The following C1orf226 variants were observed in gnomAD, a reference collection of about 807,000 sequenced individuals.
C1orf226 encodes uncharacterized protein C1orf226.
Under a neutral mutation model 10.5 loss-of-function variants are expected in C1orf226, and 4 were observed. The ratio of observed to expected loss-of-function variants is 0.38; its 90% CI spans 0.19 to 0.87. The LOEUF (loss-of-function observed/expected upper bound fraction) is 0.87. Ranked by LOEUF, C1orf226 falls within the 40% of genes least tolerant of loss-of-function variation. C1orf226 has a pLI of 0.41. For synonymous variants in C1orf226, 125 were observed against 139.3 expected, an observed-to-expected ratio of 0.90 and a Z score of 0.72; for missense variants, 313 against 336.2, an observed-to-expected ratio of 0.93 and a Z score of 0.54.
rs1356405322 is a variant in C1orf226 at position 162,384,085 on chromosome 1, T to G, written c.*402T>G. 2.1e-5 allele frequency: 4 copies of G among 191,676 alleles called. No individual in the cohort carries two copies. Among genetic ancestry groups the G allele is most frequent in the Non-Finnish European group, 4.3e-5 (4 of 93,592 alleles). 11.9% of individuals were successfully genotyped at this position (191,676 alleles called of 1,614,324 possible). ...CCTACATGCGCCTCCTCCCCTGCTGTTCTCCCTCCCACACCCCTGTCCCTT... is the reference window on the plus strand; with the variant it reads ...CCTACATGCGCCTCCTCCCCTGCTGGTCTCCCTCCCACACCCCTGTCCCTT... On this transcript the variant is annotated 3_prime_UTR_variant, in exon 2 of 2. Coordinates refer to ENST00000458626, the MANE Select transcript of C1orf226 (RefSeq NM_001085375.2).
upstream of C1orf226, chr1:162,381,585 C>T (rs775108922): frequency 1.7e-5 from 11 of 635,468 alleles, no homozygotes; most frequent in African/African-American, 5.9e-5. Context: ...GGCGTGGTGA[C>T]TCCAAGGTAA....
chr1:162,386,681 A>T lies in C1orf226; in HGVS notation c.*2998A>T, dbSNP rs1216905439. 1 of 152,198 alleles carries T rather than the reference A, an allele frequency of 6.6e-6. No individual in the cohort carries two copies. Among genetic ancestry groups the T allele is most frequent in the Non-Finnish European group, 1.5e-5 (1 of 68,044 alleles). The allele number at this position is 152,198 out of a possible 1,614,324, so 9.4% of individuals were successfully genotyped here. A position where few individuals can be genotyped will look rare whatever the true frequency, so the allele number is the denominator to read the frequency against. ...GCAATCCATCAGCGTTTAAAGAAGA[A>T]GATTGGCTCCAGTTCGGAGGAGGAG... is the stretch of plus-strand genomic sequence containing the variant. On this transcript the variant is annotated 3_prime_UTR_variant, in exon 2 of 2. Coordinates refer to ENST00000458626, the MANE Select transcript of C1orf226 (RefSeq NM_001085375.2).
At position 162,386,290 on chromosome 1, in the gene C1orf226, C is replaced by T. The variant is rs1648105780; in HGVS notation, c.*2607C>T. ...CAAAGCCTCACCTGGTTTCCATGTC[C>T]ATCTCAACAGTCTGGCCTTCCTGTG... On this transcript the variant is annotated 3_prime_UTR_variant, in exon 2 of 2. Transcript: ENST00000458626. 6.6e-6 allele frequency: 1 copy of T among 152,374 alleles called. No individual in the cohort carries two copies. 9.4% of individuals were successfully genotyped at this position (152,374 alleles called of 1,614,324 possible).
rs374369490 is a variant in C1orf226, at chr1:162,383,627, C to A, written c.763C>A (p.Arg255=). The change falls in exon 2 of 2, where the codon CGG becomes AGG. Residue 255 remains arginine, a synonymous_variant. Transcript: ENST00000458626. ...WEDGSPPPQA[R]TSSLDNEGPH... is the part of the protein sequence containing the mutation. ...GGATGGCAGCCCCCCTCCTCAGGCA[C>A]GGACCTCCAGCCTCGACAATGAGGG... 6.2e-7 allele frequency: 1 copy of A among 1,609,058 alleles called. No homozygotes were observed. Among genetic ancestry groups the A allele is most frequent in the African/African-American group, 1.3e-5 (1 of 74,864 alleles).
rs956449567 is a variant in C1orf226, at chr1:162,383,271, A to G, written c.407A>G (p.Asp136Gly). ...CCTCGGGCCCTGAAGACCACCCAGG[A>G]CATGCTGATTTCATCACAGCCTGTC... ...RTPRALKTTQ[D>G]MLISSQPVLS... Residue 136 changes from aspartate (D) to glycine (G), a missense_variant, in exon 2 of 2, where the codon GAC (aspartate) becomes GGC (glycine). Asp to Gly is a moderately conservative substitution (Grantham distance 94, BLOSUM62 -1). Transcript: ENST00000458626. 32 of 1,613,798 alleles carry G rather than the reference A, an allele frequency of 2.0e-5. No individual in the cohort carries two copies. Among genetic ancestry groups the G allele is most frequent in the Non-Finnish European group, 2.5e-5 (29 of 1,179,852 alleles).
intron 1 of C1orf226, 61 bp downstream of exon 1, chr1:162,382,279 G>A: frequency 1.3e-6 from 2 of 1,520,670 alleles, no homozygotes; most frequent in Non-Finnish European, 1.8e-6. Context: ...AAAGGTACAG[G>A]GACAAACTGC....
upstream of C1orf226, among the ~76,000 whole-genome samples, chr1:162,379,999 G>A (rs557444415): frequency 4.3e-4 from 65 of 152,334 alleles, no homozygotes; most frequent in South Asian, 0.013. Flanking sequence ...TAGTTAAATG[G>A]TTTGGTTTCC....
rs1220872794 is a variant in C1orf226 at position 162,384,698 on chromosome 1, G to C, written c.*1015G>C. 1 of 152,814 alleles carries C rather than the reference G, an allele frequency of 6.5e-6. No homozygotes were observed. Among genetic ancestry groups the C allele is most frequent in the Non-Finnish European group, 1.5e-5 (1 of 68,226 alleles). The allele number at this position is 152,814 out of a possible 1,614,324, so 9.5% of individuals were successfully genotyped here. A position where few individuals can be genotyped will look rare whatever the true frequency, so the allele number is the denominator to read the frequency against. On this transcript the variant is annotated 3_prime_UTR_variant, in exon 2 of 2. Transcript: ENST00000458626. ...GCAGCCTAAAATAATGCCGTTTCAGGGCCTGGGCCTGCTGTGAGAGCCAGA... is the reference window on the plus strand; with the variant it reads ...GCAGCCTAAAATAATGCCGTTTCAGCGCCTGGGCCTGCTGTGAGAGCCAGA...
At chr1:162,379,051 T>C (rs1181410326), upstream of C1orf226, 2 of 1,484,966 alleles carry the variant, frequency 1.3e-6, no homozygotes, top group Admixed American at 3.9e-5. Flanking sequence ...CCTGTTTTTT[T>C]GTGGATGACT....
chr1:162,381,604 A>C, upstream of C1orf226: 3 of 894,418 alleles, frequency 3.4e-6, no homozygotes, highest in Non-Finnish European at 4.5e-6. Flanking sequence ...AAAGGGGCCA[A>C]GCCCATGAGT....
chr1:162,382,172 G>T lies in C1orf226; in HGVS notation c.271G>T (p.Ala91Ser). The T allele has an allele frequency of 6.3e-7, 1 of 1,588,966 alleles. No homozygotes were observed. The highest frequency in any genetic ancestry group is 8.6e-7 in the Non-Finnish European group (1 of 1,167,768). ...CAACAAGACTGCAGGAGCACAGCTG[G>T]CCAGTGGGACTGACGCGGCTCCAGA... ...EINKTAGAQL[A>S]SGTDAAPEAW... The change falls in exon 1 of 2, where the codon GCC (alanine) becomes TCC (serine). Residue 91 changes from alanine (A) to serine (S), a missense_variant. Ala to Ser is a moderately conservative substitution (Grantham distance 99). Coordinates refer to ENST00000458626, the MANE Select transcript of C1orf226 (RefSeq NM_001085375.2).
In C1orf226 at chr1:162,386,032, G is replaced by A. The variant is rs566338243; in HGVS notation, c.*2349G>A. On this transcript the variant is annotated 3_prime_UTR_variant, in exon 2 of 2. Transcript: ENST00000458626. ...TGACCCCAGAGTTCTTCAGACCTGT[G>A]TCTGATACTGAATACAGTGCCATGG... is the stretch of plus-strand genomic sequence containing the variant. 6.6e-6 allele frequency: 1 copy of A among 152,532 alleles called. No individual in the cohort carries two copies. Among genetic ancestry groups the A allele is most frequent in the African/African-American group, 2.4e-5 (1 of 41,572 alleles). The allele number at this position is 152,532 out of a possible 1,614,324, so 9.4% of individuals were successfully genotyped here.
rs1162160970 is a variant in C1orf226 at position 162,382,072 on chromosome 1, C to T, written c.171C>T (p.Ala57=). The T allele has an allele frequency of 1.2e-6, 2 of 1,603,808 alleles. No homozygotes were observed. The highest frequency in any genetic ancestry group is 1.7e-5 in the Admixed American group (1 of 58,110). ...SSQHLKNLGK[A]MGAKVNDFLR... The stretch of plus-strand genomic sequence containing the variant: ...AGCACCTCAAGAACCTGGGCAAAGC[C>T]ATGGGGGCCAAAGTGAATGACTTCC... The change falls in exon 1 of 2, where the codon GCC becomes GCT. Residue 57 remains alanine, a synonymous_variant. Coordinates refer to ENST00000458626, the MANE Select transcript of C1orf226 (RefSeq NM_001085375.2).
Position 162,383,339 on chromosome 1 carries a change from G to A in C1orf226, c.475G>A (p.Ala159Thr). 4 of 1,609,070 alleles carry A rather than the reference G, an allele frequency of 2.5e-6. No homozygotes were observed. Among genetic ancestry groups the A allele is most frequent in the Non-Finnish European group, 3.4e-6 (4 of 1,177,480 alleles). ...EYGTEPSPGQ[A>T]QDSAPTAQPD... ...TGGGACAGAGCCATCACCTGGGCAG[G>A]CCCAGGACTCCGCTCCCACTGCCCA... Residue 159 changes from alanine (A) to threonine (T), a missense_variant, in exon 2 of 2, where the codon GCC (alanine) becomes ACC (threonine). Physicochemically the swap from Ala to Thr is moderately conservative, Grantham distance 58. Coordinates refer to ENST00000458626, the MANE Select transcript of C1orf226 (RefSeq NM_001085375.2).
rs1285887017 is a variant in C1orf226 at position 162,383,714 on chromosome 1, C to T, written c.*31C>T. 6.5e-7 allele frequency: 1 copy of T among 1,545,972 alleles called. No individual in the cohort carries two copies. Among genetic ancestry groups the T allele is most frequent in the African/African-American group, 1.4e-5 (1 of 73,572 alleles). On this transcript the variant is annotated 3_prime_UTR_variant, in exon 2 of 2. Transcript: ENST00000458626. The stretch of plus-strand genomic sequence containing the variant: ...CTGCTCTTTCCTGCTGAGCTCTGCC[C>T]TTGTCTTCCTGCTGCTTTCTCCTCC...
chr1:162,383,518 C>T lies in C1orf226; in HGVS notation c.654C>T (p.Cys218=). 1.9e-6 allele frequency: 3 copies of T among 1,605,220 alleles called. No individual in the cohort carries two copies. Among genetic ancestry groups the T allele is most frequent in the Non-Finnish European group, 2.6e-6 (3 of 1,175,446 alleles). The part of the protein sequence containing the change: ...QDESKLKMTE[C]RRASSPSLIE... ...AATCCAAGCTAAAGATGACTGAGTG[C>T]AGAAGGGCCTCCTCCCCCAGCCTTA... The change falls in exon 2 of 2, where the codon TGC becomes TGT. Residue 218 remains cysteine (C), a synonymous_variant. Coordinates refer to ENST00000458626, the MANE Select transcript of C1orf226 (RefSeq NM_001085375.2).
upstream of C1orf226, among the ~76,000 whole-genome samples, chr1:162,379,373 GA>G (rs1647838798): frequency 6.6e-6 from 1 of 152,120 alleles, no homozygotes; most frequent in Non-Finnish European, 1.5e-5. Flanking sequence ...CACTCCCATA[GA>G]GGGAGTTTTG....
In C1orf226 at chr1:162,381,990, C is replaced by G. The variant is rs755071765; in HGVS notation, c.89C>G (p.Ser30Cys). 2 of 1,612,740 alleles carry G rather than the reference C, an allele frequency of 1.2e-6. No individual in the cohort carries two copies. The highest frequency in any genetic ancestry group is 4.5e-5 in the East Asian group (2 of 44,892). The change falls in exon 1 of 2, where the codon TCT becomes TGT. Residue 30 changes from serine (S) to cysteine (C), a missense_variant. Ser to Cys is a moderately radical substitution (Grantham distance 112, BLOSUM62 -1). Coordinates refer to ENST00000458626, the MANE Select transcript of C1orf226 (RefSeq NM_001085375.2). ...TTGTCCAAGCCCGTGGCCCCCGGCT[C>G]TGCCCCTCTGGGCTCTGGTGAGCCT... ...PHLSKPVAPG[S>C]APLGSGEPGG...
At chr1:162,382,322 G>A in intron 1 of C1orf226, 104 bp downstream of exon 1, 1 of 1,380,962 alleles carries the variant, frequency 7.2e-7, no homozygotes. Context: ...CCCAAGGGAG[G>A]GGTGTGAGAT....
Sources: gnomAD v4.1 joint callset for allele counts (sites outside exome capture counted in the v4.1 genomes callset) on GRCh38, gnomAD v4.1.1 for gene constraint, MANE v1.5 for transcripts, NCBI Gene and HGNC (gene_info 2026-07-23, HGNC 2026-07-21) for gene names.